The following SGMS2 variants were observed in gnomAD, a reference collection of about 807,000 sequenced individuals.
The protein encoded by SGMS2 is sphingomyelin synthase 2, also known as phosphatidylcholine:ceramide cholinephosphotransferase 2.
In SGMS2, 21 loss-of-function variants were observed where a neutral mutation model predicts 43.8. That is an observed-to-expected ratio of 0.48 (90% CI 0.34 to 0.69). The LOEUF (loss-of-function observed/expected upper bound fraction) is 0.69. SGMS2 is among the 30% of genes least tolerant of loss of function. SGMS2 has a pLI of 0.01. For synonymous variants in SGMS2, 167 were observed against 160.6 expected (o/e 1.04, Z -0.30); for missense variants, 384 against 443.2 (o/e 0.87, Z 1.20).
chr4:107,858,806 C>T (rs1727564946), intron 2 of SGMS2, among the ~76,000 whole-genome samples: 1 of 152,086 alleles, frequency 6.6e-6, no homozygotes, highest in Non-Finnish European at 1.5e-5. Context: ...CTTGGATTGC[C>T]GTTTTAAATG....
chr4:107,887,577 G>T (rs1257048892), intron 2 of SGMS2, among the ~76,000 whole-genome samples: 1 of 152,146 alleles, frequency 6.6e-6, no homozygotes, highest in African/African-American at 2.4e-5. Flanking sequence ...TTGGACTTTA[G>T]GGAACCTAAT....
At chr4:107,850,726 A>G (rs1727090496) in intron 1 of SGMS2, among the ~76,000 whole-genome samples, 1 of 152,152 alleles carries the variant, frequency 6.6e-6, no homozygotes, top group Admixed American at 6.6e-5. Context: ...TGACCTATTT[A>G]CGTGGTCAGC....
intron 1 of SGMS2, among the ~76,000 whole-genome samples, chr4:107,836,369 G>A (rs1726173878): frequency 6.6e-6 from 1 of 152,218 alleles, no homozygotes; most frequent in African/African-American, 2.4e-5. Context: ...CTCAGTGAGT[G>A]TCACAGCACA....
chr4:107,905,119 TAA>T (rs1442156195), intron 5 of SGMS2, among the ~76,000 whole-genome samples: 3 of 152,198 alleles, frequency 2.0e-5, no homozygotes, highest in African/African-American at 7.2e-5. Flanking sequence ...ACACTGTTGA[TAA>T]AGACATAACC....
At chr4:107,860,904 CAT>C (rs1406208684) in intron 2 of SGMS2, among the ~76,000 whole-genome samples, 1 of 152,152 alleles carries the variant, frequency 6.6e-6, no homozygotes, top group East Asian at 1.9e-4. Flanking sequence ...TGCCAATTCT[CAT>C]AGCTTAAATG....
At chr4:107,859,209 T>C (rs956223933) in intron 2 of SGMS2, among the ~76,000 whole-genome samples, 2 of 152,204 alleles carry the variant, frequency 1.3e-5, no homozygotes, top group African/African-American at 4.8e-5. Context: ...TTTCTTGCTA[T>C]ATCTCTGGGC....
chr4:107,890,237 C>T (rs1248318301), intron 2 of SGMS2, among the ~76,000 whole-genome samples: 1 of 152,122 alleles, frequency 6.6e-6, no homozygotes, highest in Non-Finnish European at 1.5e-5. Flanking sequence ...GAAAGGGAGT[C>T]TGGTGTCTTC....
chr4:107,836,799 G>T (rs1344836341), intron 1 of SGMS2, among the ~76,000 whole-genome samples: 8 of 152,142 alleles, frequency 5.3e-5, no homozygotes, highest in Admixed American at 2.0e-4. Context: ...TTGGCGGCCG[G>T]AACACATATG....
intron 1 of SGMS2, among the ~76,000 whole-genome samples, chr4:107,827,519 T>C (rs1725661141): frequency 4.6e-5 from 7 of 152,312 alleles, no homozygotes; most frequent in Admixed American, 2.6e-4. Flanking sequence ...TTCTGAATGG[T>C]CTTGAATAGG....
At position 107,879,108 on chromosome 4, in the gene SGMS2, A is replaced by T. The variant is rs868263615; in HGVS notation, c.-244-16202A>T. Among the ~76,000 whole-genome samples, 435 of 142,290 alleles carry T rather than the reference A, an allele frequency of 3.1e-3. 1 individual carries two copies. Among genetic ancestry groups the T allele is most frequent in the African/African-American group, 9.4e-3 (370 of 39,264 alleles). 93.3% of individuals were successfully genotyped at this position (142,290 alleles called of 152,430 possible). Reference sequence around the variant, plus strand: ...CAAGTATTGAATGGTCTACCTGGCCATTTTTTTTTTTTTTTTAGTGAGAAA... The same window carrying T: ...CAAGTATTGAATGGTCTACCTGGCCTTTTTTTTTTTTTTTTTAGTGAGAAA... On this transcript the variant is annotated intron_variant, in intron 2 of 6. Transcript: ENST00000690982.
intron 2 of SGMS2, among the ~76,000 whole-genome samples, chr4:107,875,554 AT>A (rs1037302261): frequency 9.9e-5 from 15 of 152,184 alleles, no homozygotes; most frequent in Non-Finnish European, 1.5e-4. Flanking sequence ...AGAATAGCTG[AT>A]GGATGCTGGG....
intron 3 of SGMS2, among the ~76,000 whole-genome samples, chr4:107,896,443 T>C (rs1730678973): frequency 6.6e-6 from 1 of 152,214 alleles, no homozygotes; most frequent in South Asian, 2.1e-4. Flanking sequence ...ATGTCTGTAT[T>C]GGTCTAGAGT....
chr4:107,889,482 A>G (rs1230262991), intron 2 of SGMS2, among the ~76,000 whole-genome samples: 1 of 152,198 alleles, frequency 6.6e-6, no homozygotes, highest in Admixed American at 6.6e-5. Context: ...TTGAAAAAGC[A>G]TTTGATTAGT....
chr4:107,861,762 T>C (rs1560644269), intron 2 of SGMS2, among the ~76,000 whole-genome samples: 1 of 152,236 alleles, frequency 6.6e-6, no homozygotes, highest in East Asian at 1.9e-4. Flanking sequence ...ACCCATTTTA[T>C]AGTTGTTAAA....
intron 5 of SGMS2, among the ~76,000 whole-genome samples, chr4:107,904,371 T>C (rs1731373059): frequency 6.6e-6 from 1 of 152,128 alleles, no homozygotes; most frequent in Non-Finnish European, 1.5e-5. Context: ...CCTCCTCTCT[T>C]GGCCCTTTGT....
chr4:107,887,101 A>T (rs939223964), intron 2 of SGMS2, among the ~76,000 whole-genome samples: 1 of 152,222 alleles, frequency 6.6e-6, no homozygotes, highest in Non-Finnish European at 1.5e-5. Context: ...CTGTTAGTTT[A>T]GTCCATGCAG....
Position 107,895,743 on chromosome 4 carries a change from A to G in SGMS2, c.190A>G (p.Met64Val), listed in dbSNP as rs1730610206. 1.1e-5 allele frequency: 18 copies of G among 1,613,856 alleles called. No homozygotes were observed. The highest frequency in any genetic ancestry group is 1.4e-5 in the Non-Finnish European group (17 of 1,179,968). Residue 64 changes from methionine to valine, a missense_variant, in exon 3 of 7, where the codon ATG becomes GTG. Physicochemically the swap from Met to Val is conservative, Grantham distance 21. Transcript: ENST00000690982. ...KKYPDYIQIA[M>V]PTESRNKFPL... Reference sequence around the variant, plus strand: ...GTACCCGGACTATATCCAAATTGCTATGCCCACTGAATCAAGGAACAAATT... The same window carrying G: ...GTACCCGGACTATATCCAAATTGCTGTGCCCACTGAATCAAGGAACAAATT...
chr4:107,895,646 TGAAGAA>T lies in SGMS2; in HGVS notation c.97_102del (p.Glu33_Glu34del), dbSNP rs1271370984. The T allele has an allele frequency of 6.2e-7, 1 of 1,613,862 alleles. No individual in the cohort carries two copies. Among genetic ancestry groups the T allele is most frequent in the Non-Finnish European group, 8.5e-7 (1 of 1,179,960 alleles). On this transcript the variant is annotated inframe_deletion, in exon 3 of 7. Coordinates refer to ENST00000690982, the MANE Select transcript of SGMS2 (RefSeq NM_001375905.1). Reference sequence around the variant, plus strand: ...CTTATGCAAGACCCGCTGAACCTGTTGAAGAAGAAAACAAAAATGGCAATGGTAAAC... The same window carrying T: ...CTTATGCAAGACCCGCTGAACCTGTTGAAAACAAAAATGGCAATGGTAAAC...
At chr4:107,894,084 C>T (rs1730463888) in intron 2 of SGMS2, among the ~76,000 whole-genome samples, 1 of 152,138 alleles carries the variant, frequency 6.6e-6, no homozygotes. Flanking sequence ...ATTGCCTGTA[C>T]ATATTGACTG....
Sources: gnomAD v4.1 joint callset for allele counts (sites outside exome capture counted in the v4.1 genomes callset) on GRCh38, gnomAD v4.1.1 for gene constraint, MANE v1.5 for transcripts, NCBI Gene and HGNC (gene_info 2026-07-23, HGNC 2026-07-21) for gene names.